The following CTNNA3 variants were observed in gnomAD, a reference collection of about 807,000 sequenced individuals.
CTNNA3 encodes the protein catenin alpha-3.
Under a neutral mutation model 95.7 loss-of-function variants are expected in CTNNA3, and 76 were observed. That is an observed-to-expected ratio of 0.79 (90% CI 0.66 to 0.96). The LOEUF (loss-of-function observed/expected upper bound fraction) is 0.96, where lower values mean the gene tolerates loss of function less well. Among genes scored for constraint, CTNNA3 ranks in the 40% least tolerant of loss-of-function variants. CTNNA3 has a pLI of 0.00. For missense variants in CTNNA3, 1,191 were observed against 1,089.8 expected, an observed-to-expected ratio of 1.09 and a Z score of -1.31; for synonymous variants, 431 against 374.4, an observed-to-expected ratio of 1.15 and a Z score of -1.74.
intron 5 of CTNNA3, among the ~76,000 whole-genome samples, chr10:67,396,725 C>T (rs984922270): frequency 6.6e-6 from 1 of 152,120 alleles, no homozygotes; most frequent in Non-Finnish European, 1.5e-5. Flanking sequence ...ACCCAAATCT[C>T]ATCTTGAATT....
chr10:66,102,937 C>G (rs1261836319), intron 14 of CTNNA3, among the ~76,000 whole-genome samples: 1 of 152,158 alleles, frequency 6.6e-6, no homozygotes, highest in African/African-American at 2.4e-5. Context: ...GAGTGATTCA[C>G]TACATGACCT....
intron 7 of CTNNA3, among the ~76,000 whole-genome samples, chr10:66,865,764 A>T (rs1296560787): frequency 6.6e-6 from 1 of 152,104 alleles, no homozygotes; most frequent in East Asian, 1.9e-4. Context: ...GATATCAAAG[A>T]GAAGATTATA....
chr10:67,645,353 T>C (rs1839673309), intron 2 of CTNNA3, among the ~76,000 whole-genome samples: 1 of 152,200 alleles, frequency 6.6e-6, no homozygotes, highest in African/African-American at 2.4e-5. Context: ...ATACTCTCTC[T>C]GTTTATAAGC....
chr10:66,020,670 T>A (rs1422037437), intron 15 of CTNNA3, among the ~76,000 whole-genome samples: 1 of 148,146 alleles, frequency 6.8e-6, no homozygotes, highest in East Asian at 2.0e-4. Context: ...TGATCTGAAT[T>A]TTTTTTTTTT....
Position 66,617,666 on chromosome 10 carries a change from T to A in CTNNA3, c.1374+4026A>T, listed in dbSNP as rs192315816. Among the ~76,000 whole-genome samples the A allele has an allele frequency of 6.5e-3, 988 of 152,162 alleles. 6 individuals are homozygous for A. Among genetic ancestry groups the A allele is most frequent in the African/African-American group, 0.023 (936 of 41,512 alleles). On this transcript the variant is annotated intron_variant, in intron 10 of 17. Transcript: ENST00000433211. Reference sequence around the variant, plus strand: ...AAACTGGCACAAGACAGGGATGCCCTCTCTCACCACTCCTATTCAACATAG... The same window carrying A: ...AAACTGGCACAAGACAGGGATGCCCACTCTCACCACTCCTATTCAACATAG...
chr10:66,506,875 G>A (rs1436413841), intron 11 of CTNNA3, among the ~76,000 whole-genome samples: 2 of 152,036 alleles, frequency 1.3e-5, no homozygotes, highest in African/African-American at 2.4e-5. Context: ...GCAATGTATG[G>A]TAATAGGAAA....
intron 7 of CTNNA3, among the ~76,000 whole-genome samples, chr10:67,121,435 G>T (rs1197436165): frequency 6.6e-6 from 1 of 152,042 alleles, no homozygotes; most frequent in Non-Finnish European, 1.5e-5. Flanking sequence ...GTGCATGGGT[G>T]AGACAATGGC....
intron 3 of CTNNA3, among the ~76,000 whole-genome samples, chr10:67,603,196 T>C (rs1843144386): frequency 6.6e-6 from 1 of 152,216 alleles, no homozygotes; most frequent in Admixed American, 6.5e-5. Context: ...AAAGATGACC[T>C]GGGCTCAGCT....
At chr10:66,975,595 A>G (rs1564806404) in intron 7 of CTNNA3, among the ~76,000 whole-genome samples, 1 of 152,174 alleles carries the variant, frequency 6.6e-6, no homozygotes, top group Non-Finnish European at 1.5e-5. Flanking sequence ...CTATGAGTCT[A>G]TGATTGTCAT....
chr10:66,566,780 G>C (rs986096183), intron 10 of CTNNA3, among the ~76,000 whole-genome samples: 1 of 151,744 alleles, frequency 6.6e-6, no homozygotes, highest in Non-Finnish European at 1.5e-5. Flanking sequence ...TCTTTCCCAA[G>C]CTGAGATTTG....
At chr10:67,233,790 G>A (rs1865331532) in intron 5 of CTNNA3, among the ~76,000 whole-genome samples, 1 of 151,786 alleles carries the variant, frequency 6.6e-6, no homozygotes, top group Admixed American at 6.6e-5. Flanking sequence ...AAAAAAGAGA[G>A]AAGAATCAAA....
chr10:66,015,658 G>T (rs1269369042), intron 15 of CTNNA3, among the ~76,000 whole-genome samples: 1 of 152,098 alleles, frequency 6.6e-6, no homozygotes, highest in Non-Finnish European at 1.5e-5. Context: ...GGGTTGCAAA[G>T]CCTAAATTAT....
intron 9 of CTNNA3, among the ~76,000 whole-genome samples, chr10:66,658,111 T>C (rs896749214): frequency 6.6e-6 from 1 of 152,180 alleles, no homozygotes; most frequent in Non-Finnish European, 1.5e-5. Flanking sequence ...GTTTTGGTTG[T>C]TATTGTTTTC....
intron 1 of CTNNA3, among the ~76,000 whole-genome samples, chr10:67,716,607 C>T (rs950308918): frequency 2.5e-4 from 38 of 152,078 alleles, no homozygotes; most frequent in African/African-American, 8.7e-4. Context: ...TTGCTGACAA[C>T]GATGGTTTCC....
chr10:67,108,936 G>A (rs1858785248), intron 7 of CTNNA3, among the ~76,000 whole-genome samples: 1 of 152,062 alleles, frequency 6.6e-6, no homozygotes, highest in Admixed American at 6.6e-5. Flanking sequence ...GCTATTCCAT[G>A]ATAAATAAAA....
In CTNNA3 at chr10:66,691,106, C is replaced by T. The variant is rs571173587; in HGVS notation, c.1282-69322G>A. 8.3e-4 allele frequency among the ~76,000 whole-genome samples: 127 copies of T among 152,208 alleles called. 1 individual carries two copies. The highest frequency in any genetic ancestry group is 2.5e-3 in the African/African-American group (104 of 41,538). On this transcript the variant is annotated intron_variant, in intron 9 of 17. Transcript: ENST00000433211. ...TCACTAGGGAGTGCCAGACAGTGGA[C>T]GCAGGACAGTGGGTGCAGTGCACCG...
At chr10:66,133,517 A>AC (rs1037990142) in intron 13 of CTNNA3, among the ~76,000 whole-genome samples, 8 of 151,946 alleles carry the variant, frequency 5.3e-5, no homozygotes, top group African/African-American at 1.9e-4. Flanking sequence ...TGTCTTAAAA[A>AC]AAAAAACAAA....
rs1272346920 is a variant in CTNNA3, at chr10:66,421,638, TC to T, written c.1532-42287del. Reference sequence around the variant, plus strand: ...TAATGAGGTCAAGAGATCGAGACCATCCTGGCCAAAATAGTGAAACCCTGTC... The same window carrying T: ...TAATGAGGTCAAGAGATCGAGACCATCTGGCCAAAATAGTGAAACCCTGTC... On this transcript the variant is annotated intron_variant, in intron 11 of 17. Transcript: ENST00000433211. Among the ~76,000 whole-genome samples, 3 of 151,188 alleles carry T rather than the reference TC, an allele frequency of 2.0e-5. No homozygotes were observed. The East Asian group carries it at 5.9e-4, about 30-fold the overall frequency.
chr10:66,300,527 T>C (rs891403861), intron 12 of CTNNA3, among the ~76,000 whole-genome samples: 2 of 151,860 alleles, frequency 1.3e-5, no homozygotes, highest in African/African-American at 4.8e-5. Flanking sequence ...GAAGTTAATA[T>C]CACTAGTTAT....
Sources: gnomAD v4.1 joint callset for allele counts (sites outside exome capture counted in the v4.1 genomes callset) on GRCh38, gnomAD v4.1.1 for gene constraint, MANE v1.5 for transcripts, NCBI Gene and HGNC (gene_info 2026-07-23, HGNC 2026-07-21) for gene names.